Variants in CEP250 observed in about 807,000 individuals in gnomAD.
CEP250 encodes centrosome-associated protein CEP250.
Under a neutral mutation model 315.7 loss-of-function variants are expected in CEP250, and 242 were observed. The ratio of observed to expected loss-of-function variants is 0.77; its 90% CI spans 0.69 to 0.85. The LOEUF is 0.85. Among genes scored for constraint, CEP250 ranks in the 40% least tolerant of loss-of-function variants. The pLI is 0.00. For synonymous variants in CEP250, 1,088 were observed against 1,175.0 expected (o/e 0.93, Z 1.51); for missense variants, 2,515 against 2,886.4 (o/e 0.87, Z 2.95).
Position 35,473,539 on chromosome 20 carries a change from G to C in CEP250, c.1375G>C (p.Asp459His). 1 of 1,612,704 alleles carries C rather than the reference G, an allele frequency of 6.2e-7. No homozygotes were observed. The highest frequency in any genetic ancestry group is 8.5e-7 in the Non-Finnish European group (1 of 1,179,350). ...GQTVDLQGEV[D>H]SLSKERELLQ... ...GACTGTGGACCTCCAGGGAGAGGTG[G>C]ACTCTCTCAGCAAGTGAGCAGACGG... is the stretch of plus-strand genomic sequence containing the variant. The change falls in exon 13 of 35, where the codon GAC becomes CAC. Residue 459 changes from aspartate (D) to histidine (H), a missense_variant. Transcript: ENST00000397527.
intron 20 of CEP250, among the ~76,000 whole-genome samples, chr20:35,489,173 G>A (rs1383579258): frequency 3.5e-5 from 5 of 144,518 alleles, no homozygotes; most frequent in African/African-American, 1.4e-4. Context: ...GGGCGATAGA[G>A]TGAGACTCTG....
rs893073519 is a variant in CEP250, at chr20:35,504,953, T to C, written c.6584T>C (p.Met2195Thr). 1 of 1,613,790 alleles carries C rather than the reference T, an allele frequency of 6.2e-7. No individual in the cohort carries two copies. Among genetic ancestry groups the C allele is most frequent in the African/African-American group, 1.3e-5 (1 of 74,914 alleles). Reference protein sequence around the residue: ...ASVSSLQEVAMFLQASVLERD... With the variant: ...ASVSSLQEVATFLQASVLERD... ...GTCAGCAGTCTGCAGGAGGTAGCCATGTTCCTACAAGCCTCTGTCCTGGAG... is the reference window on the plus strand; with the variant it reads ...GTCAGCAGTCTGCAGGAGGTAGCCACGTTCCTACAAGCCTCTGTCCTGGAG... Residue 2195 changes from methionine to threonine, a missense_variant, in exon 30 of 35, where the codon ATG (methionine) becomes ACG (threonine). Coordinates refer to ENST00000397527, the MANE Select transcript of CEP250 (RefSeq NM_007186.6).
At chr20:35,502,109 C>T in intron 29 of CEP250, 143 bp downstream of exon 29, 1 of 1,043,342 alleles carries the variant, frequency 9.6e-7, no homozygotes, top group South Asian at 1.6e-5. Context: ...GGCCATTATT[C>T]AGGTTCCAAT....
intron 20 of CEP250, 28 bp downstream of exon 20, chr20:35,480,173 C>T: frequency 6.3e-7 from 1 of 1,591,646 alleles, no homozygotes; most frequent in Non-Finnish European, 8.6e-7. Flanking sequence ...CCGGGTATGG[C>T]CTCCCTTCCA....
chr20:35,487,919 A>G (rs973417154), intron 20 of CEP250, among the ~76,000 whole-genome samples: 7 of 152,224 alleles, frequency 4.6e-5, no homozygotes, highest in African/African-American at 1.7e-4. Context: ...ATTGTATTCC[A>G]TCACTTGGCT....
chr20:35,491,401 G>A lies in CEP250; in HGVS notation c.2889+55G>A, dbSNP rs531247265. The stretch of plus-strand genomic sequence containing the variant: ...GAAAGGGGCACTCATTTACCCATTC[G>A]ACCATGAAGGGTTCTTGGGCACTTC... On this transcript the variant is annotated intron_variant, in intron 22 of 34. Transcript: ENST00000397527. 86 of 1,540,872 alleles carry A rather than the reference G, an allele frequency of 5.6e-5. No individual in the cohort carries two copies. In the South Asian group the frequency reaches 8.1e-4, roughly 15 times the overall value.
Position 35,501,890 on chromosome 20 carries a change from T to C in CEP250, c.3944T>C (p.Leu1315Pro). 1.2e-6 allele frequency: 2 copies of C among 1,613,666 alleles called. No individual in the cohort carries two copies. The highest frequency in any genetic ancestry group is 1.7e-6 in the Non-Finnish European group (2 of 1,179,962). Reference protein sequence around the residue: ...EGKQNSLESELMELHETMASL... With the variant: ...EGKQNSLESEPMELHETMASL... The stretch of plus-strand genomic sequence containing the variant: ...AAGCAGAACTCCCTAGAATCTGAGC[T>C]GATGGAACTACATGAAACTATGGCA... Residue 1315 changes from leucine (L) to proline (P), a missense_variant, in exon 29 of 35, where the codon CTG (leucine) becomes CCG (proline). Coordinates refer to ENST00000397527, the MANE Select transcript of CEP250 (RefSeq NM_007186.6).
chr20:35,475,730 A>G, intron 15 of CEP250, 84 bp downstream of exon 15: 1 of 1,431,928 alleles, frequency 7.0e-7, no homozygotes, highest in Non-Finnish European at 9.6e-7. Context: ...TTCACCTTCA[A>G]GCCAGGATCC....
intron 12 of CEP250, among the ~76,000 whole-genome samples, 189 bp from the exon 13 acceptor site, chr20:35,473,185 C>A (rs1296804615): frequency 1.3e-5 from 2 of 152,182 alleles, no homozygotes; most frequent in Non-Finnish European, 2.9e-5. Context: ...ATGACGAACT[C>A]TAAGAATCTA....
intron 22 of CEP250, among the ~76,000 whole-genome samples, chr20:35,492,532 T>C (rs2063726121): frequency 6.6e-6 from 1 of 152,144 alleles, no homozygotes; most frequent in Non-Finnish European, 1.5e-5. Context: ...AAGAACACTT[T>C]AGGCAGAGGA....
intron 28 of CEP250, 81 bp downstream of exon 28, chr20:35,500,250 G>C (rs1259869522): frequency 1.4e-4 from 208 of 1,517,122 alleles, no homozygotes; most frequent in Non-Finnish European, 2.7e-6. Flanking sequence ...CACAGGCCTA[G>C]CAGCCACTCT....
At chr20:35,465,954 C>A in intron 6 of CEP250, 85 bp from the exon 7 acceptor site, 1 of 1,558,324 alleles carries the variant, frequency 6.4e-7, no homozygotes, top group Non-Finnish European at 8.7e-7. Flanking sequence ...TGGAAAATTT[C>A]AGTGGTTGCC....
intron 30 of CEP250, among the ~76,000 whole-genome samples, 171 bp downstream of exon 30, chr20:35,505,176 G>A: frequency 6.6e-6 from 1 of 152,178 alleles, no homozygotes; most frequent in Non-Finnish European, 1.5e-5. Context: ...GGGAGATACA[G>A]AGAGGATAAG....
At chr20:35,458,966 CT>C (rs778598883) in intron 2 of CEP250, among the ~76,000 whole-genome samples, 93 of 59,198 alleles carry the variant, frequency 1.6e-3, no homozygotes, top group African/African-American at 6.6e-3. Context: ...TAATGCAAAT[CT>C]TTTTTTTTTT....
chr20:35,501,963 C>G lies in CEP250; in HGVS notation c.4017C>G (p.Ala1339=), dbSNP rs552937133. The change falls in exon 29 of 35, where the codon GCC becomes GCG. Residue 1339 remains alanine (A), a synonymous_variant. Coordinates refer to ENST00000397527, the MANE Select transcript of CEP250 (RefSeq NM_007186.6). ...GAGCAGAGCTACAGCGAATGGAAGC[C>G]CAGGTAAAGTGGTACTGGTTTCAGG... is the stretch of plus-strand genomic sequence containing the variant. ...LRRAELQRME[A]QGERELLQAA... The G allele has an allele frequency of 6.2e-7, 1 of 1,611,694 alleles. No homozygotes were observed. The highest frequency in any genetic ancestry group is 1.1e-5 in the South Asian group (1 of 91,040).
chr20:35,504,511 G>A lies in CEP250; in HGVS notation c.6142G>A (p.Asp2048Asn). The stretch of plus-strand genomic sequence containing the variant: ...GCTGCAGCAGGCACTTGCCCAGAGG[G>A]ATGAAGAGCTGAGACATCAGCAGGA... ...QQLQQALAQRDEELRHQQERE... is the reference protein window; with the variant it reads ...QQLQQALAQRNEELRHQQERE... The change falls in exon 30 of 35, where the codon GAT becomes AAT. Residue 2048 changes from aspartate to asparagine, a missense_variant. By Grantham distance (23) the Asp-to-Asn change is conservative. Transcript: ENST00000397527. 1 of 1,613,906 alleles carries A rather than the reference G, an allele frequency of 6.2e-7. No homozygotes were observed. Among genetic ancestry groups the A allele is most frequent in the Non-Finnish European group, 8.5e-7 (1 of 1,179,904 alleles).
chr20:35,491,309 T>G lies in CEP250; in HGVS notation c.2852T>G (p.Leu951Arg). The part of the protein sequence containing the change: ...LADASQQLER[L>R]RQDMKVQKLK... ...GATGCCAGCCAACAACTGGAACGAC[T>G]GAGGCAGGACATGAAAGTCCAGAAA... The change falls in exon 22 of 35, where the codon CTG becomes CGG. Residue 951 changes from leucine (L) to arginine (R), a missense_variant. Leu to Arg is a moderately radical substitution (Grantham distance 102, BLOSUM62 -2). Transcript: ENST00000397527. 6.2e-7 allele frequency: 1 copy of G among 1,601,264 alleles called. No individual in the cohort carries two copies.
rs1368303120 is a variant in CEP250, at chr20:35,490,960, A to C, written c.2754+156A>C. 6 of 884,234 alleles carry C rather than the reference A, an allele frequency of 6.8e-6. No homozygotes were observed. In the Admixed American group the frequency reaches 1.4e-4, roughly 21 times the overall value. 54.8% of individuals were successfully genotyped at this position (884,234 alleles called of 1,614,324 possible). On this transcript the variant is annotated intron_variant, in intron 21 of 34. Transcript: ENST00000397527. ...AACAGTGAGCAGGGTGGTCCGCACC[A>C]TTAGCCACAGTTCCGGCAGTATGTC...
intron 7 of CEP250, 67 bp downstream of exon 7, chr20:35,466,271 A>G: frequency 6.7e-7 from 1 of 1,502,270 alleles, no homozygotes; most frequent in Non-Finnish European, 9.0e-7. Context: ...CCTGGTCAGT[A>G]CTGGAAGGAG....
Sources: allele counts gnomAD v4.1 joint callset (sites outside exome capture counted in the v4.1 genomes callset), GRCh38; gene constraint gnomAD v4.1.1; transcripts MANE v1.5; gene names NCBI Gene and HGNC (gene_info 2026-07-23, HGNC 2026-07-21).